Variants in CSGALNACT1 observed in about 807,000 individuals in gnomAD.
CSGALNACT1 encodes chondroitin sulfate N-acetylgalactosaminyltransferase 1, also known as beta4GalNAcT-1.
A neutral mutation model predicts 51.0 loss-of-function variants in CSGALNACT1; 52 were observed. The observed-to-expected ratio is 1.02, with a 90% CI of 0.82 to 1.29. The LOEUF (loss-of-function observed/expected upper bound fraction) is 1.29, where lower values mean the gene tolerates loss of function less well. Among genes scored for constraint, CSGALNACT1 ranks in the 50% most tolerant of loss-of-function variants. The pLI is 0.00. For synonymous variants in CSGALNACT1, 341 were observed against 254.4 expected, an observed-to-expected ratio of 1.34 and a Z score of -3.24; for missense variants, 935 against 679.2, an observed-to-expected ratio of 1.38 and a Z score of -4.19.
At chr8:19,580,222 G>A (rs1049636556) in intron 3 of CSGALNACT1, among the ~76,000 whole-genome samples, 1 of 152,214 alleles carries the variant, frequency 6.6e-6, no homozygotes, top group Non-Finnish European at 1.5e-5. Context: ...AGATCCGAGA[G>A]AAAAGACAGC....
intron 1 of CSGALNACT1, among the ~76,000 whole-genome samples, chr8:19,706,609 A>C (rs1282805361): frequency 6.6e-6 from 1 of 152,198 alleles, no homozygotes; most frequent in Non-Finnish European, 1.5e-5. Context: ...GGGAACAAGT[A>C]AATAGCAATA....
At chr8:19,449,346 C>A (rs1375619626) in intron 5 of CSGALNACT1, among the ~76,000 whole-genome samples, 1 of 152,058 alleles carries the variant, frequency 6.6e-6, no homozygotes, top group African/African-American at 2.4e-5. Flanking sequence ...AGTGAAATGG[C>A]CTATGGGAGA....
chr8:19,754,378 A>G (rs1181026692), intron 1 of CSGALNACT1, among the ~76,000 whole-genome samples: 1 of 152,202 alleles, frequency 6.6e-6, no homozygotes, highest in African/African-American at 2.4e-5. Context: ...TTGAAAAACA[A>G]CTTTTTTGCT....
intron 3 of CSGALNACT1, among the ~76,000 whole-genome samples, chr8:19,562,591 A>G (rs1481658270): frequency 6.6e-6 from 1 of 152,238 alleles, no homozygotes; most frequent in Admixed American, 6.5e-5. Flanking sequence ...GTCTTAAACA[A>G]ATTTACAACA....
chr8:19,647,578 C>T (rs573837905), intron 1 of CSGALNACT1, among the ~76,000 whole-genome samples: 1 of 152,298 alleles, frequency 6.6e-6, no homozygotes, highest in African/African-American at 2.4e-5. Context: ...CATCTCAGTG[C>T]TAATCCTAAT....
At chr8:19,441,292 G>GC (rs2061299733) in intron 5 of CSGALNACT1, among the ~76,000 whole-genome samples, 1 of 152,150 alleles carries the variant, frequency 6.6e-6, no homozygotes, top group Non-Finnish European at 1.5e-5. Context: ...CAAAGCCGGA[G>GC]GCATCACACT....
At chr8:19,538,051 C>T (rs1359035406) in intron 3 of CSGALNACT1, among the ~76,000 whole-genome samples, 1 of 152,152 alleles carries the variant, frequency 6.6e-6, no homozygotes, top group Non-Finnish European at 1.5e-5. Flanking sequence ...AGTGCAGTGG[C>T]TCATACCTCT....
At chr8:19,698,343 G>T (rs2061684714) in intron 1 of CSGALNACT1, among the ~76,000 whole-genome samples, 1 of 152,204 alleles carries the variant, frequency 6.6e-6, no homozygotes, top group South Asian at 2.1e-4. Context: ...TGTGAACATT[G>T]AGAATATTAA....
upstream of CSGALNACT1, among the ~76,000 whole-genome samples, chr8:19,604,934 A>AG (rs34140104): frequency 2.0e-5 from 3 of 149,174 alleles, no homozygotes; most frequent in Non-Finnish European, 4.4e-5. Context: ...AAAAAAAAAA[A>AG]GTAAGTATGG....
chr8:19,458,425 C>G lies in CSGALNACT1; in HGVS notation c.851+1G>C. 1.9e-6 allele frequency: 3 copies of G among 1,613,712 alleles called. No individual in the cohort carries two copies. The highest frequency in any genetic ancestry group is 2.5e-6 in the Non-Finnish European group (3 of 1,179,582). On this transcript the variant is annotated splice_donor_variant, in intron 5 of 9. Coordinates refer to ENST00000454498, the Ensembl canonical transcript of CSGALNACT1. LOFTEE classifies it high-confidence loss of function. ...AGATAAACACGTGCGAACAAACCAA[C>G]CTGAAATTCTGCATGAACTGCCGGA...
chr8:19,658,899 T>C (rs1656207955), intron 1 of CSGALNACT1, among the ~76,000 whole-genome samples: 2 of 152,186 alleles, frequency 1.3e-5, no homozygotes. Flanking sequence ...TGGTAAATCT[T>C]TCTAAGTTAA....
intron 4 of CSGALNACT1, among the ~76,000 whole-genome samples, chr8:19,463,814 C>T (rs772890155): frequency 2.6e-5 from 4 of 152,176 alleles, no homozygotes; most frequent in Non-Finnish European, 5.9e-5. Flanking sequence ...ATCCCAATGC[C>T]GGTCTTTTCC....
rs147359981 is a variant in CSGALNACT1, at chr8:19,580,587, G to C, written c.-297+10573C>G. ...GAAATAGATCTTCCTTGGAGGAATAGAACAGCATCCAGAGAGCCTAAAAAT... is the reference window on the plus strand; with the variant it reads ...GAAATAGATCTTCCTTGGAGGAATACAACAGCATCCAGAGAGCCTAAAAAT... On this transcript the variant is annotated intron_variant, in intron 3 of 9. Transcript: ENST00000454498. Among the ~76,000 whole-genome samples, 1,455 of 152,262 alleles carry C rather than the reference G, an allele frequency of 9.6e-3. 22 individuals are homozygous for C. Among genetic ancestry groups the C allele is most frequent in the African/African-American group, 0.032 (1,316 of 41,530 alleles).
intron 4 of CSGALNACT1, among the ~76,000 whole-genome samples, chr8:19,481,020 G>A (rs1271123159): frequency 6.6e-6 from 1 of 152,064 alleles, no homozygotes; most frequent in East Asian, 1.9e-4. Flanking sequence ...TCATCTGCCC[G>A]TCCAAGTGCC....
chr8:19,435,402 A>T (rs1156630600), intron 6 of CSGALNACT1, among the ~76,000 whole-genome samples: 1 of 151,862 alleles, frequency 6.6e-6, no homozygotes, highest in African/African-American at 2.4e-5. Context: ...CTGAGGCAGG[A>T]GAATTGCTTG....
At chr8:19,436,201 A>C (rs985749266) in intron 6 of CSGALNACT1, among the ~76,000 whole-genome samples, 2 of 152,266 alleles carry the variant, frequency 1.3e-5, no homozygotes, top group Non-Finnish European at 2.9e-5. Context: ...AGCTGGATTT[A>C]AAACAGCTTA....
intron 4 of CSGALNACT1, 23 bp downstream of exon 3, chr8:19,505,178 C>T (rs754864477): frequency 3.1e-6 from 5 of 1,613,952 alleles, no homozygotes; most frequent in Non-Finnish European, 4.2e-6. Context: ...TTCTCCTTTC[C>T]CCCCAATTCA....
At chr8:19,550,897 T>G (rs1448790592) in intron 3 of CSGALNACT1, among the ~76,000 whole-genome samples, 1 of 152,184 alleles carries the variant, frequency 6.6e-6, no homozygotes, top group East Asian at 1.9e-4. Flanking sequence ...CTCATTTGTA[T>G]CTACTGTTTC....
chr8:19,639,912 C>A (rs1177165401), intron 1 of CSGALNACT1, among the ~76,000 whole-genome samples: 1 of 150,726 alleles, frequency 6.6e-6, no homozygotes, highest in Non-Finnish European at 1.5e-5. Flanking sequence ...GAGACAGTTT[C>A]ATTCCGTCTC....
Sources: allele counts gnomAD v4.1 joint callset (sites outside exome capture counted in the v4.1 genomes callset), GRCh38; gene constraint gnomAD v4.1.1; transcripts MANE v1.5; gene names NCBI Gene and HGNC (gene_info 2026-07-23, HGNC 2026-07-21).